Variants in GLB1 observed in about 807,000 individuals in gnomAD.
GLB1 encodes the protein beta-galactosidase.
GLB1 carries 56 observed loss-of-function variants against 74.0 expected under a neutral mutation model. That is an observed-to-expected ratio of 0.76 (90% CI 0.61 to 0.94). GLB1 has a LOEUF of 0.94. Ranked by LOEUF, GLB1 falls within the 40% of genes least tolerant of loss-of-function variation. GLB1 has a pLI of 0.00. For synonymous variants in GLB1, 323 were observed against 323.6 expected (o/e 1.00, Z 0.02); for missense variants, 787 against 845.5 (o/e 0.93, Z 0.86).
At chr3:32,994,250 G>C (rs1167562302), downstream of GLB1, among the ~76,000 whole-genome samples, 1 of 152,140 alleles carries the variant, frequency 6.6e-6, no homozygotes, top group Non-Finnish European at 1.5e-5. Flanking sequence ...CAACACACAG[G>C]AACACATTCC....
At chr3:33,049,948 A>C (rs2125519625) in intron 9 of GLB1, among the ~76,000 whole-genome samples, 1 of 152,320 alleles carries the variant, frequency 6.6e-6, no homozygotes, top group Non-Finnish European at 1.5e-5. Flanking sequence ...AGTTCAAAGG[A>C]GAAACTTCAT....
At chr3:33,036,919 A>G (rs1698302344) in intron 10 of GLB1, among the ~76,000 whole-genome samples, 1 of 152,222 alleles carries the variant, frequency 6.6e-6, no homozygotes, top group African/African-American at 2.4e-5. Context: ...TCTGGAAGGA[A>G]GAAAAAGTTT....
intron 10 of GLB1, among the ~76,000 whole-genome samples, chr3:33,039,433 A>C (rs1559394960): frequency 6.6e-6 from 1 of 152,200 alleles, no homozygotes; most frequent in Non-Finnish European, 1.5e-5. Context: ...AGAGAACTGG[A>C]AACAATTTTT....
At chr3:32,994,097 C>T (rs145881605), downstream of GLB1, among the ~76,000 whole-genome samples, 29 of 152,238 alleles carry the variant, frequency 1.9e-4, no homozygotes, top group East Asian at 9.6e-4. Flanking sequence ...GAAATGAAAA[C>T]GGATGACTAC....
At chr3:33,042,830 A>C (rs1228978840) in intron 10 of GLB1, among the ~76,000 whole-genome samples, 2 of 152,106 alleles carry the variant, frequency 1.3e-5, no homozygotes, top group African/African-American at 4.8e-5. Context: ...ACCACCTTAA[A>C]ATTTTTGTTT....
At chr3:33,003,505 T>C (rs1171062215) in intron 15 of GLB1, among the ~76,000 whole-genome samples, 1 of 152,230 alleles carries the variant, frequency 6.6e-6, no homozygotes, top group Non-Finnish European at 1.5e-5. Context: ...ACATAATATT[T>C]GTTGAGAGTA....
intron 1 of GLB1, among the ~76,000 whole-genome samples, chr3:33,089,890 TCAA>T (rs1307509768): frequency 6.6e-6 from 1 of 152,046 alleles, no homozygotes; most frequent in Non-Finnish European, 1.5e-5. Flanking sequence ...ATGGTTAAGA[TCAA>T]CAACAACAAA....
intron 1 of GLB1, among the ~76,000 whole-genome samples, chr3:33,095,068 A>T (rs771733998): frequency 6.6e-6 from 1 of 152,022 alleles, no homozygotes; most frequent in African/African-American, 2.4e-5. Context: ...AAAATTAGCC[A>T]GGCATGGTGG....
At chr3:33,051,672 A>T in intron 9 of GLB1, 86 bp downstream of exon 9, 1 of 1,589,824 alleles carries the variant, frequency 6.3e-7, no homozygotes, top group Non-Finnish European at 8.6e-7. Context: ...AAAGGAAAAT[A>T]AAATTGTCTG....
At chr3:33,033,937 C>CA (rs1306366524) in intron 10 of GLB1, 1 of 552,030 alleles carries the variant, frequency 1.8e-6, no homozygotes, top group Admixed American at 2.0e-5. Flanking sequence ...ACTACTATGG[C>CA]ACCCGCCTGG....
Position 33,068,256 on chromosome 3 carries a change from G to A in GLB1, c.431C>T (p.Ser144Phe). 6.2e-7 allele frequency: 1 copy of A among 1,614,052 alleles called. No individual in the cohort carries two copies. The highest frequency in any genetic ancestry group is 8.5e-7 in the Non-Finnish European group (1 of 1,179,956). Residue 144 changes from serine (S) to phenylalanine (F), a missense_variant, in exon 4 of 16, where the codon TCT becomes TTT. Coordinates refer to ENST00000307363, the MANE Select transcript of GLB1 (RefSeq NM_000404.4). ...TGGGTCGGAGGAGCGGAGAAGAATA[G>A]ACTCTTTCTCTAGCAGCCAAGCAGG... ...GLPAWLLEKESILLRSSDPDY... is the reference protein window; with the variant it reads ...GLPAWLLEKEFILLRSSDPDY...
At chr3:33,047,380 G>A (rs1403414144) in intron 9 of GLB1, among the ~76,000 whole-genome samples, 2 of 152,160 alleles carry the variant, frequency 1.3e-5, no homozygotes, top group East Asian at 3.9e-4. Flanking sequence ...GTGTCACATG[G>A]AGAGCTTGTT....
chr3:32,979,731 T>C, the GLB1 span, among the ~76,000 whole-genome samples: 4 of 151,620 alleles, frequency 2.6e-5, no homozygotes, highest in African/African-American at 7.3e-5. Context: ...ATGTGCCTGT[T>C]GTCCCTGCTA....
intron 10 of GLB1, among the ~76,000 whole-genome samples, chr3:33,025,224 C>T (rs1265221330): frequency 6.6e-6 from 1 of 152,188 alleles, no homozygotes; most frequent in South Asian, 2.1e-4. Flanking sequence ...GGATTACAGG[C>T]GTGAGCCAGC....
downstream of GLB1, among the ~76,000 whole-genome samples, chr3:32,993,981 A>G (rs1033412093): frequency 6.6e-6 from 1 of 152,126 alleles, no homozygotes; most frequent in African/African-American, 2.4e-5. Flanking sequence ...TTCATTATTC[A>G]CTATCTTCAA....
chr3:32,965,230 G>A, the GLB1 span, among the ~76,000 whole-genome samples: 1 of 152,170 alleles, frequency 6.6e-6, no homozygotes, highest in Non-Finnish European at 1.5e-5. Context: ...CAGTTTGGAG[G>A]GCTCAGAAGA....
chr3:33,022,563 G>GTTTTTTTTTTTTT (rs1380045437), intron 11 of GLB1, among the ~76,000 whole-genome samples: 1 of 15,334 alleles, frequency 6.5e-5, no homozygotes, highest in East Asian at 3.6e-3. Flanking sequence ...TACTGGTTAG[G>GTTTTTTTTTTTTT]ATTTTTTTTT....
chr3:32,967,543 C>CA, the GLB1 span, among the ~76,000 whole-genome samples: 1 of 152,170 alleles, frequency 6.6e-6, no homozygotes, highest in Admixed American at 6.5e-5. Context: ...CCTCTACCCA[C>CA]AAAATGCTTA....
intron 6 of GLB1, 108 bp from the exon 7 acceptor site, chr3:33,053,657 T>A (rs559265258): frequency 2.8e-6 from 4 of 1,435,454 alleles, no homozygotes. Context: ...ACGGTCAGAA[T>A]GTTAGTATCC....
Sources: allele counts gnomAD v4.1 joint callset (sites outside exome capture counted in the v4.1 genomes callset), GRCh38; gene constraint gnomAD v4.1.1; transcripts MANE v1.5; gene names NCBI Gene and HGNC (gene_info 2026-07-23, HGNC 2026-07-21).